The following CR1 variants were observed in gnomAD, a reference collection of about 807,000 sequenced individuals.
CR1 encodes the protein complement receptor type 1.
CR1 carries 116 observed loss-of-function variants against 187.3 expected under a neutral mutation model. The observed-to-expected ratio is 0.62, with a 90% CI of 0.53 to 0.72. The LOEUF (loss-of-function observed/expected upper bound fraction) is 0.72. CR1 is among the 30% of genes least tolerant of loss of function. The pLI, the probability that CR1 is intolerant of heterozygous loss-of-function variation, is 0.00. For missense variants in CR1, 1,731 were observed against 2,110.7 expected (o/e 0.82, Z 3.52); for synonymous variants, 576 against 747.1 (o/e 0.77, Z 3.73).
At chr1:207,525,781 C>A (rs1476919971) in intron 5 of CR1, among the ~76,000 whole-genome samples, 3 of 151,918 alleles carry the variant, frequency 2.0e-5, no homozygotes, top group Non-Finnish European at 4.4e-5. Flanking sequence ...ATTACATCAC[C>A]AGGCATTGAT....
At chr1:207,617,041 G>T (rs1454334922) in intron 41 of CR1, among the ~76,000 whole-genome samples, 13 of 152,032 alleles carry the variant, frequency 8.6e-5, no homozygotes, top group African/African-American at 4.8e-5. Flanking sequence ...GAGAGAAGGG[G>T]GTGGACAGTG....
intron 28 of CR1, among the ~76,000 whole-genome samples, chr1:207,576,532 A>C (rs1660750409): frequency 1.3e-5 from 2 of 152,220 alleles, no homozygotes. Context: ...AAGATGTTAT[A>C]CTGAGCCACG....
chr1:207,617,507 A>ATATATATATATATATATATATGTGTGTG (rs1332301171), intron 41 of CR1, among the ~76,000 whole-genome samples: 19 of 47,010 alleles, frequency 4.0e-4, no homozygotes, highest in Middle Eastern at 9.1e-3. Context: ...ATATATATAT[A>ATATATATATATATATATATATGTGTGTG]TGTGTGTGTG....
chr1:207,597,126 T>C (rs1661470491), intron 35 of CR1, among the ~76,000 whole-genome samples: 1 of 146,154 alleles, frequency 6.8e-6, no homozygotes, highest in Non-Finnish European at 1.5e-5. Flanking sequence ...TATACTACTA[T>C]GTATTACAAA....
intron 40 of CR1, 103 bp downstream of exon 40, chr1:207,614,592 A>G (rs576044188): frequency 6.1e-4 from 493 of 808,002 alleles, no homozygotes; most frequent in Non-Finnish European, 8.8e-4. Flanking sequence ...TTACTTAACT[A>G]AATTATGGAT....
At position 207,618,063 on chromosome 1, in the gene CR1, G is replaced by C. The variant is rs569906368; in HGVS notation, c.6890-8G>C. 1.1e-4 allele frequency: 178 copies of C among 1,611,174 alleles called. No homozygotes were observed. The Admixed American group carries it at 2.6e-3, about 23-fold the overall frequency. ...TTTTCTTGTGTTTGTGTGGGAACTT[G>C]TTCTTAGCCTGCCCACATCCACCCA... is the stretch of plus-strand genomic sequence containing the variant. On this transcript the variant is annotated splice_region_variant and splice_polypyrimidine_tract_variant and intron_variant, in intron 41 of 46. Transcript: ENST00000367049.
At chr1:207,511,775 G>A (rs922611325) in intron 4 of CR1, 121 bp downstream of exon 4, 14 of 898,136 alleles carry the variant, frequency 1.6e-5, no homozygotes, top group African/African-American at 1.3e-4. Context: ...TGAAGACTGC[G>A]GTAATGTTCT....
At chr1:207,584,611 A>AT (rs1558248087) in intron 32 of CR1, 38 bp from the exon 33 acceptor site, 1 of 1,601,994 alleles carries the variant, frequency 6.2e-7, no homozygotes, top group Admixed American at 1.7e-5. Context: ...ATACTTTAAA[A>AT]TTTTTTATGG....
intron 35 of CR1, among the ~76,000 whole-genome samples, chr1:207,607,032 G>A (rs919701042): frequency 2.0e-5 from 3 of 152,148 alleles, no homozygotes; most frequent in Non-Finnish European, 1.5e-5. Context: ...TCAGTTGTGA[G>A]GGATTAGGAA....
At chr1:207,585,183 AGAC>A (rs1375812573) in intron 33 of CR1, among the ~76,000 whole-genome samples, 2 of 152,180 alleles carry the variant, frequency 1.3e-5, no homozygotes, top group Non-Finnish European at 2.9e-5. Context: ...TATTCACTGG[AGAC>A]GACATGAAAA....
At chr1:207,612,471 G>A (rs1385060608) in intron 39 of CR1, among the ~76,000 whole-genome samples, 18 of 152,246 alleles carry the variant, frequency 1.2e-4, no homozygotes, top group Non-Finnish European at 2.6e-4. Flanking sequence ...AATAGTGCAT[G>A]GATAAGTGTG....
At chr1:207,632,627 TACAC>T (rs772489369) in intron 46 of CR1, among the ~76,000 whole-genome samples, 1 of 150,372 alleles carries the variant, frequency 6.7e-6, no homozygotes, top group Non-Finnish European at 1.5e-5. Flanking sequence ...CTCTACTAAA[TACAC>T]ACACACACAC....
chr1:207,510,504 A>T (rs919831239), intron 3 of CR1, among the ~76,000 whole-genome samples: 6 of 152,110 alleles, frequency 3.9e-5, no homozygotes, highest in African/African-American at 1.4e-4. Context: ...ATCAAGTTTG[A>T]CCCTACCCTC....
At chr1:207,577,022 G>T (rs1357491425) in intron 28 of CR1, among the ~76,000 whole-genome samples, 1 of 152,086 alleles carries the variant, frequency 6.6e-6, no homozygotes, top group Non-Finnish European at 1.5e-5. Flanking sequence ...AGGCTGAGGT[G>T]GGCAGATCAC....
intron 39 of CR1, among the ~76,000 whole-genome samples, chr1:207,613,092 A>C (rs1661983732): frequency 6.6e-6 from 1 of 152,044 alleles, no homozygotes; most frequent in African/African-American, 2.4e-5. Context: ...GCTTCTTTGT[A>C]CCTGCGTTTG....
chr1:207,581,752 A>G (rs1660962834), intron 31 of CR1, among the ~76,000 whole-genome samples, 166 bp from the exon 32 acceptor site: 1 of 152,150 alleles, frequency 6.6e-6, no homozygotes, highest in South Asian at 2.1e-4. Context: ...TTGGCTTCTG[A>G]GCCCGTCAAT....
In CR1 at chr1:207,565,701, T is replaced by C. The variant is rs1199484200; in HGVS notation, c.3867-137T>C. 7.0e-6 allele frequency: 8 copies of C among 1,136,756 alleles called. 1 individual carries two copies. The highest frequency in any genetic ancestry group is 1.6e-5 in the African/African-American group (1 of 61,516). 70.4% of individuals were successfully genotyped at this position (1,136,756 alleles called of 1,614,324 possible). On this transcript the variant is annotated intron_variant, in intron 23 of 46. Transcript: ENST00000367049. ...TCTGGAGGCTGTGATTTTTCCAGAA[T>C]AAGGTAGCCTGTGCAACTCTGCCAT...
rs186396511 is a variant in CR1 at position 207,521,217 on chromosome 1, T to C, written c.488-2394T>C. Among the ~76,000 whole-genome samples, 38 of 152,218 alleles carry C rather than the reference T, an allele frequency of 2.5e-4. 1 individual carries two copies. The East Asian group carries it at 6.8e-3, about 27-fold the overall frequency. ...GTCTCAAACTCCTGACAAGAGGTGA[T>C]CTGCCCACCTCGGCCTCCCAAACTG... is the stretch of plus-strand genomic sequence containing the variant. On this transcript the variant is annotated intron_variant, in intron 4 of 46. Coordinates refer to ENST00000367049, the MANE Select transcript of CR1 (RefSeq NM_000651.6).
chr1:207,631,379 T>C (rs542741271), intron 46 of CR1, among the ~76,000 whole-genome samples: 1 of 152,320 alleles, frequency 6.6e-6, no homozygotes, highest in Non-Finnish European at 1.5e-5. Flanking sequence ...CCCAATCGTT[T>C]GTCTACTGTC....
Sources: gnomAD v4.1 joint callset for allele counts (sites outside exome capture counted in the v4.1 genomes callset) on GRCh38, gnomAD v4.1.1 for gene constraint, MANE v1.5 for transcripts, NCBI Gene and HGNC (gene_info 2026-07-23, HGNC 2026-07-21) for gene names.